The following PKD2L1 variants were observed in gnomAD, a reference collection of about 807,000 sequenced individuals.
PKD2L1 encodes the protein polycystin 2 like 1, transient receptor potential cation channel.
Under a neutral mutation model 93.0 loss-of-function variants are expected in PKD2L1, and 77 were observed. The ratio of observed to expected loss-of-function variants is 0.83; its 90% CI spans 0.69 to 1.00. The LOEUF (loss-of-function observed/expected upper bound fraction) is 1.00. Among genes scored for constraint, PKD2L1 ranks in the 50% least tolerant of loss-of-function variants. The pLI is 0.00. For synonymous variants in PKD2L1, 390 were observed against 388.0 expected, an observed-to-expected ratio of 1.01 and a Z score of -0.06; for missense variants, 977 against 990.9, an observed-to-expected ratio of 0.99 and a Z score of 0.19.
chr10:100,326,895 A>C (rs116659402), intron 2 of PKD2L1, among the ~76,000 whole-genome samples: 27,549 of 152,060 alleles, frequency 0.18, 2,878 homozygotes, highest in South Asian at 0.39. Flanking sequence ...TAGTATTATG[A>C]ATGACTAGTT....
Position 100,298,770 on chromosome 10 carries a change from A to G in PKD2L1, c.523T>C (p.Tyr175His), listed in dbSNP as rs767462639. The G allele has an allele frequency of 6.2e-7, 1 of 1,613,636 alleles. No homozygotes were observed. The highest frequency in any genetic ancestry group is 8.5e-7 in the Non-Finnish European group (1 of 1,179,956). ...LLDSLYWTKWYNNQSLGHGSH... is the reference protein window; with the variant it reads ...LLDSLYWTKWHNNQSLGHGSH... The stretch of plus-strand genomic sequence containing the variant: ...CCATGGCCCAGGCTCTGGTTGTTGT[A>G]CCATTTGGTCCAATACAAACTGTCC... Residue 175 changes from tyrosine (Y) to histidine (H), a missense_variant, in exon 4 of 16, where the codon TAC becomes CAC. Tyr to His is a moderately conservative substitution (Grantham distance 83, BLOSUM62 2). Coordinates refer to ENST00000318222, the MANE Select transcript of PKD2L1 (RefSeq NM_016112.3).
In PKD2L1 at chr10:100,330,220, C is replaced by T. The variant is rs951592649; in HGVS notation, c.-117G>A. 19 of 608,878 alleles carry T rather than the reference C, an allele frequency of 3.1e-5. No individual in the cohort carries two copies. Among genetic ancestry groups the T allele is most frequent in the Non-Finnish European group, 5.4e-5 (19 of 352,610 alleles). 37.7% of individuals were successfully genotyped at this position (608,878 alleles called of 1,614,324 possible). A position where few individuals can be genotyped will look rare whatever the true frequency, so the allele number is the denominator to read the frequency against. ...GAGCAAATGGAAAGGCGTCTGAGAG[C>T]AGCTGTTTCCACACAGCCTGGGCTC... On this transcript the variant is annotated 5_prime_UTR_variant, in exon 1 of 16. Transcript: ENST00000318222.
intron 2 of PKD2L1, among the ~76,000 whole-genome samples, chr10:100,320,970 A>G (rs187934165): frequency 2.0e-5 from 3 of 152,380 alleles, no homozygotes; most frequent in African/African-American, 7.2e-5. Context: ...GCAGCTATAG[A>G]TACATTTACC....
Position 100,293,331 on chromosome 10 carries a change from C to A in PKD2L1, c.1708G>T (p.Glu570Ter), listed in dbSNP as rs1335031302. Residue 570 changes from glutamate to a stop codon, truncating the protein, a stop_gained, in exon 10 of 16, where the codon GAG (glutamate) becomes TAG (stop). Coordinates refer to ENST00000318222, the MANE Select transcript of PKD2L1 (RefSeq NM_016112.3). LOFTEE classifies it high-confidence loss of function. Reference sequence around the variant, plus strand: ...AGCTCATCCTTCTGTCCAGCCAGCTCCTCCTTGACCTCTGAATATGTGTCA... The same window carrying A: ...AGCTCATCCTTCTGTCCAGCCAGCTACTCCTTGACCTCTGAATATGTGTCA... ...INDTYSEVKEELAGQKDELQL... is the reference protein window; with the variant it reads ...INDTYSEVKE 3.1e-6 allele frequency: 5 copies of A among 1,613,718 alleles called. No homozygotes were observed. The highest frequency in any genetic ancestry group is 4.2e-6 in the Non-Finnish European group (5 of 1,179,702).
Position 100,299,692 on chromosome 10 carries a change from C to T in PKD2L1, c.376G>A (p.Ala126Thr), listed in dbSNP as rs754533102. The change falls in exon 3 of 16, where the codon GCT becomes ACT. Residue 126 changes from alanine (A) to threonine (T), a missense_variant. Coordinates refer to ENST00000318222, the MANE Select transcript of PKD2L1 (RefSeq NM_016112.3). ...LLTYGMTSSSAYYYTKVMSEL... is the reference protein window; with the variant it reads ...LLTYGMTSSSTYYYTKVMSEL... The stretch of plus-strand genomic sequence containing the variant: ...GACATCACTTTGGTGTAGTAATAAG[C>T]ACTGGAGCTTGTCATTCCATAGGTC... The T allele has an allele frequency of 2.0e-5, 32 of 1,613,564 alleles. 1 individual carries two copies. The South Asian group carries it at 3.4e-4, about 17-fold the overall frequency.
chr10:100,304,342 A>G (rs1488238601), intron 2 of PKD2L1, among the ~76,000 whole-genome samples: 1 of 152,114 alleles, frequency 6.6e-6, no homozygotes, highest in Admixed American at 6.6e-5. Flanking sequence ...TATTTCTAAT[A>G]CCTCCGATGT....
In PKD2L1 at chr10:100,288,423, A is replaced by G. The variant is rs764296718; in HGVS notation, c.2391T>C (p.Gly797=). 91 of 1,607,970 alleles carry G rather than the reference A, an allele frequency of 5.7e-5. 1 individual carries two copies. The highest frequency in any genetic ancestry group is 7.6e-5 in the Non-Finnish European group (89 of 1,174,542). Residue 797 remains glycine, a synonymous_variant, in exon 16 of 16, where the codon GGT becomes GGC. Transcript: ENST00000318222. ...EALEERRLSR[G]EIPTLQRS Reference sequence around the variant, plus strand: ...AACTCCTCTGCAACGTTGGAATCTCACCACGGGAGAGTCTCCTCTCCTCTA... The same window carrying G: ...AACTCCTCTGCAACGTTGGAATCTCGCCACGGGAGAGTCTCCTCTCCTCTA...
At position 100,297,190 on chromosome 10, in the gene PKD2L1, T is replaced by C. The variant is rs1384748668; in HGVS notation, c.975A>G (p.Pro325=). The C allele has an allele frequency of 6.2e-7, 1 of 1,613,882 alleles. No individual in the cohort carries two copies. The highest frequency in any genetic ancestry group is 2.2e-5 in the East Asian group (1 of 44,882). ...AGGATGGGATGGCACCTCCTGTAGC[T>C]GGAAACTCCACCACCAGCCTATAGG... ...FCVLRLVVEF[P]ATGGAIPSWQ... The change falls in exon 6 of 16, where the codon CCA becomes CCG. Residue 325 remains proline, a synonymous_variant. Transcript: ENST00000318222.
At chr10:100,325,248 T>C (rs1849351612) in intron 2 of PKD2L1, among the ~76,000 whole-genome samples, 1 of 152,174 alleles carries the variant, frequency 6.6e-6, no homozygotes, top group Non-Finnish European at 1.5e-5. Flanking sequence ...AAACTATTTT[T>C]ACACTCTTGG....
chr10:100,295,073 C>G lies in PKD2L1; in HGVS notation c.1407G>C (p.Thr469=), dbSNP rs531470373. ...FNKTMTQLSS[T]LARCAKDILG... ...GGATGTCCTTGGCACAGCGGGCCAGCGTGGAGGAGAGCTGGGTCATGGTTT... is the reference window on the plus strand; with the variant it reads ...GGATGTCCTTGGCACAGCGGGCCAGGGTGGAGGAGAGCTGGGTCATGGTTT... The change falls in exon 8 of 16, where the codon ACG becomes ACC. Residue 469 remains threonine, a synonymous_variant. Transcript: ENST00000318222. 1.2e-6 allele frequency: 2 copies of G among 1,614,038 alleles called. No homozygotes were observed. The highest frequency in any genetic ancestry group is 1.7e-6 in the Non-Finnish European group (2 of 1,179,982).
intron 2 of PKD2L1, among the ~76,000 whole-genome samples, chr10:100,303,882 T>C (rs1564886555): frequency 6.6e-6 from 1 of 152,248 alleles, no homozygotes; most frequent in Admixed American, 6.5e-5. Context: ...GTTGGCTAAA[T>C]TGTCACATCT....
At chr10:100,305,114 C>CTTT (rs11329633) in intron 2 of PKD2L1, among the ~76,000 whole-genome samples, 6 of 139,106 alleles carry the variant, frequency 4.3e-5, no homozygotes, top group African/African-American at 1.3e-4. Context: ...CTCTTCTTGT[C>CTTT]TTTTTTTTTT....
chr10:100,312,333 A>T (rs1190768919), intron 2 of PKD2L1, among the ~76,000 whole-genome samples: 1 of 152,200 alleles, frequency 6.6e-6, no homozygotes, highest in East Asian at 1.9e-4. Context: ...AACCTATGAC[A>T]CATGGCCAGT....
Position 100,288,284 on chromosome 10 carries a change from G to T in PKD2L1, c.*112C>A. On this transcript the variant is annotated 3_prime_UTR_variant, in exon 16 of 16. Transcript: ENST00000318222. ...CATTTCCTTGCCTGATTCCCTTCAGGCTCCATTTTTATCTCCTGGTTAAAG... is the reference window on the plus strand; with the variant it reads ...CATTTCCTTGCCTGATTCCCTTCAGTCTCCATTTTTATCTCCTGGTTAAAG... 1.4e-6 allele frequency: 1 copy of T among 710,336 alleles called. No homozygotes were observed. 44.0% of individuals were successfully genotyped at this position (710,336 alleles called of 1,614,324 possible). A position where few individuals can be genotyped will look rare whatever the true frequency, so the allele number is the denominator to read the frequency against.
chr10:100,291,172 T>C, intron 12 of PKD2L1, 129 bp downstream of exon 12: 1 of 954,578 alleles, frequency 1.0e-6, no homozygotes, highest in Non-Finnish European at 1.6e-6. Context: ...GTTTGGGAAC[T>C]ACTATTCTAG....
intron 2 of PKD2L1, among the ~76,000 whole-genome samples, chr10:100,302,083 C>T (rs898209595): frequency 1.3e-5 from 2 of 152,208 alleles, no homozygotes; most frequent in Non-Finnish European, 2.9e-5. Flanking sequence ...GATCCGCCCA[C>T]TTTGGCCTCC....
At chr10:100,324,127 C>G (rs1200476683) in intron 2 of PKD2L1, among the ~76,000 whole-genome samples, 1 of 152,196 alleles carries the variant, frequency 6.6e-6, no homozygotes, top group Non-Finnish European at 1.5e-5. Context: ...CGTGCCCAGC[C>G]CACTTTATTT....
intron 2 of PKD2L1, among the ~76,000 whole-genome samples, chr10:100,300,830 T>A (rs1848657629): frequency 6.8e-6 from 1 of 147,896 alleles, no homozygotes; most frequent in Non-Finnish European, 1.5e-5. Flanking sequence ...TTTGCCTGAT[T>A]ATTACTAACA....
Position 100,308,107 on chromosome 10 carries a change from AT to A in PKD2L1, c.350-8390del, listed in dbSNP as rs1183749064. ...TCATGTCAAATGTAGAGAGTATCTGATTTTTTTTTTCTTGGACAGAAATTAA... is the reference window on the plus strand; with the variant it reads ...TCATGTCAAATGTAGAGAGTATCTGATTTTTTTTTCTTGGACAGAAATTAA... On this transcript the variant is annotated intron_variant, in intron 2 of 15. Coordinates refer to ENST00000318222, the MANE Select transcript of PKD2L1 (RefSeq NM_016112.3). Among the ~76,000 whole-genome samples the A allele has an allele frequency of 4.1e-4, 61 of 150,310 alleles. 2 individuals carry two copies. The East Asian group carries it at 0.01, about 26-fold the overall frequency.
Sources: allele counts gnomAD v4.1 joint callset (sites outside exome capture counted in the v4.1 genomes callset), GRCh38; gene constraint gnomAD v4.1.1; transcripts MANE v1.5; gene names NCBI Gene and HGNC (gene_info 2026-07-23, HGNC 2026-07-21).